Variants in LPP observed in about 807,000 individuals in gnomAD.
LPP encodes the protein LIM domain containing preferred translocation partner in lipoma, also known as lipoma-preferred partner.
A neutral mutation model predicts 60.4 loss-of-function variants in LPP; 38 were observed. That is an observed-to-expected ratio of 0.63 (90% CI 0.49 to 0.83). LPP has a LOEUF of 0.83. Among genes scored for constraint, LPP ranks in the 40% least tolerant of loss-of-function variants. The pLI, the probability that LPP is intolerant of heterozygous loss-of-function variation, is 0.00. For missense variants in LPP, 902 were observed against 783.6 expected, an observed-to-expected ratio of 1.15 and a Z score of -1.80; for synonymous variants, 328 against 290.8, an observed-to-expected ratio of 1.13 and a Z score of -1.30.
At chr3:188,485,696 C>CT (rs1358996232) in intron 5 of LPP, among the ~76,000 whole-genome samples, 1 of 145,416 alleles carries the variant, frequency 6.9e-6, no homozygotes, top group Non-Finnish European at 1.5e-5. Context: ...ACTTGGGAGG[C>CT]TGAGGCAGGA....
intron 8 of LPP, among the ~76,000 whole-genome samples, chr3:188,744,561 G>A (rs1340366232): frequency 1.3e-5 from 2 of 152,102 alleles, no homozygotes; most frequent in African/African-American, 2.4e-5. Context: ...TAACTATCCT[G>A]AGCCTCCTTG....
At chr3:188,476,632 T>C (rs1282213575) in intron 4 of LPP, among the ~76,000 whole-genome samples, 2 of 152,232 alleles carry the variant, frequency 1.3e-5, no homozygotes, top group African/African-American at 4.8e-5. Flanking sequence ...ATTTTTAATC[T>C]TAGTCCTTCC....
intron 7 of LPP, among the ~76,000 whole-genome samples, chr3:188,617,428 C>A (rs917879168): frequency 7.2e-5 from 11 of 152,124 alleles, no homozygotes; most frequent in Non-Finnish European, 1.3e-4. Flanking sequence ...GTAATAATAA[C>A]TATTGTCAGG....
At chr3:188,804,243 T>A (rs1442603463) in intron 9 of LPP, among the ~76,000 whole-genome samples, 14 of 37,708 alleles carry the variant, frequency 3.7e-4, no homozygotes, top group South Asian at 1.4e-3. Flanking sequence ...TAGTGCATCT[T>A]TATATATATA....
intron 4 of LPP, among the ~76,000 whole-genome samples, chr3:188,441,203 T>C (rs1202687748): frequency 6.6e-6 from 1 of 152,200 alleles, no homozygotes; most frequent in Admixed American, 6.5e-5. Context: ...TTTATAAAGA[T>C]GGGGCAGTTT....
rs11328247 is a variant in LPP, at chr3:188,881,139, C to CAAAAAAAAAAAAAAAA, written c.*6664_*6679dup. The stretch of plus-strand genomic sequence containing the variant: ...TGGGCGAAAGAGCGAGACTCCGTCT[C>CAAAAAAAAAAAAAAAA]AAAAAAAAAAAAAAAAAAATAGGAT... On this transcript the variant is annotated 3_prime_UTR_variant, in exon 12 of 12. Coordinates refer to ENST00000617246, the MANE Select transcript of LPP (RefSeq NM_001375462.1). 161 of 72,592 alleles carry CAAAAAAAAAAAAAAAA rather than the reference C, an allele frequency of 2.2e-3. 10 individuals carry two copies. Among genetic ancestry groups the CAAAAAAAAAAAAAAAA allele is most frequent in the East Asian group, 4.4e-3 (15 of 3,372 alleles). 4.5% of individuals were successfully genotyped at this position (72,592 alleles called of 1,614,324 possible). A position where few individuals can be genotyped will look rare whatever the true frequency, so the allele number is the denominator to read the frequency against.
chr3:188,259,234 G>A (rs368217108), intron 2 of LPP, among the ~76,000 whole-genome samples: 1 of 152,066 alleles, frequency 6.6e-6, no homozygotes, highest in Admixed American at 6.6e-5. Context: ...GATAATCACC[G>A]TGGCTCCCAG....
chr3:188,506,059 T>C (rs1222486895), intron 5 of LPP, among the ~76,000 whole-genome samples: 2 of 152,182 alleles, frequency 1.3e-5, no homozygotes, highest in African/African-American at 2.4e-5. Flanking sequence ...CAATACCTGA[T>C]GAACCCTCAT....
At chr3:188,195,051 G>A (rs4686939) in intron 1 of LPP, among the ~76,000 whole-genome samples, 19,343 of 152,184 alleles carry the variant, frequency 0.13, 2,139 homozygotes, top group East Asian at 0.54. Flanking sequence ...CTGAGATCAG[G>A]AGTTCAAGAC....
At chr3:188,386,652 A>G (rs1352611207) in intron 3 of LPP, among the ~76,000 whole-genome samples, 3 of 152,326 alleles carry the variant, frequency 2.0e-5, no homozygotes, top group Middle Eastern at 3.4e-3. Context: ...GAGACTTTTT[A>G]TATTCTAAAG....
At chr3:188,797,774 G>A (rs908514979) in intron 9 of LPP, among the ~76,000 whole-genome samples, 1 of 152,116 alleles carries the variant, frequency 6.6e-6, no homozygotes, top group Non-Finnish European at 1.5e-5. Context: ...ATATAGCTAT[G>A]CATTTATATG....
At chr3:188,866,112 T>G (rs1487000485) in intron 9 of LPP, 88 bp from the exon 10 acceptor site, 15 of 1,119,378 alleles carry the variant, frequency 1.3e-5, no homozygotes, top group South Asian at 2.6e-5. Flanking sequence ...GATAAGGACC[T>G]GAGACAATCT....
In LPP at chr3:188,225,446, C is replaced by T. The variant is rs1717377971; in HGVS notation, c.-148C>T. The T allele has an allele frequency of 1.3e-5, 2 of 152,196 alleles. No homozygotes were observed. Among genetic ancestry groups the T allele is most frequent in the Admixed American group, 1.3e-4 (2 of 15,278 alleles). 9.4% of individuals were successfully genotyped at this position (152,196 alleles called of 1,614,324 possible). The stretch of plus-strand genomic sequence containing the variant: ...TCAGAGACAGAGCAGAAGACAGAAC[C>T]TGGTCTTCTGATTCCCTGTGTTCTG... On this transcript the variant is annotated 5_prime_UTR_variant, in exon 2 of 12. Coordinates refer to ENST00000617246, the MANE Select transcript of LPP (RefSeq NM_001375462.1).
At position 188,488,383 on chromosome 3, in the gene LPP, C is replaced by A. The variant is rs143172980; in HGVS notation, c.306+3679C>A. 8.4e-3 allele frequency among the ~76,000 whole-genome samples: 1,082 copies of A among 129,186 alleles called. 16 individuals are homozygous for A. Among genetic ancestry groups the A allele is most frequent in the African/African-American group, 0.024 (988 of 40,708 alleles). The allele number at this position is 129,186 out of a possible 152,430, so 84.8% of individuals were successfully genotyped here. A position where few individuals can be genotyped will look rare whatever the true frequency, so the allele number is the denominator to read the frequency against. ...GTTCTCATTTTCATGTGGGAAGATG[C>A]AACTTGGAAAACAGGGGAAGGATTT... is the stretch of plus-strand genomic sequence containing the variant. On this transcript the variant is annotated intron_variant, in intron 5 of 11. Transcript: ENST00000617246.
chr3:188,370,855 G>A (rs758515757), intron 3 of LPP, among the ~76,000 whole-genome samples: 123 of 152,206 alleles, frequency 8.1e-4, no homozygotes, highest in Admixed American at 2.7e-3. Context: ...TTTTTCTCAC[G>A]CCTGCGTAAC....
At chr3:188,473,601 C>T (rs774551144) in intron 4 of LPP, among the ~76,000 whole-genome samples, 1 of 152,120 alleles carries the variant, frequency 6.6e-6, no homozygotes, top group East Asian at 1.9e-4. Context: ...CAGGAGATTC[C>T]GATACACACC....
chr3:188,184,479 G>C (rs1327676976), intron 1 of LPP, among the ~76,000 whole-genome samples: 1 of 152,146 alleles, frequency 6.6e-6, no homozygotes, highest in Non-Finnish European at 1.5e-5. Flanking sequence ...AATGAACCAG[G>C]AAATTTGTTT....
At chr3:188,839,842 C>T (rs1247267837) in intron 9 of LPP, among the ~76,000 whole-genome samples, 7 of 152,142 alleles carry the variant, frequency 4.6e-5, no homozygotes, top group Non-Finnish European at 4.4e-5. Flanking sequence ...CACTCCACTG[C>T]ACTCCAGCCT....
chr3:188,706,634 A>G (rs1258459724), intron 7 of LPP, among the ~76,000 whole-genome samples: 1 of 152,246 alleles, frequency 6.6e-6, no homozygotes, highest in Non-Finnish European at 1.5e-5. Flanking sequence ...GAGTTGTAGT[A>G]AATGTTGGGA....
Sources: allele counts gnomAD v4.1 joint callset (sites outside exome capture counted in the v4.1 genomes callset), GRCh38; gene constraint gnomAD v4.1.1; transcripts MANE v1.5; gene names NCBI Gene and HGNC (gene_info 2026-07-23, HGNC 2026-07-21).